Variants in HDAC9 observed in about 807,000 individuals in gnomAD.
HDAC9 encodes the protein MEF-2 interacting transcription repressor (MITR) protein.
HDAC9 carries 41 observed loss-of-function variants against 139.4 expected under a neutral mutation model. That is an observed-to-expected ratio of 0.29 (90% confidence interval 0.23 to 0.38). The LOEUF (loss-of-function observed/expected upper bound fraction) is 0.38, where lower values mean the gene tolerates loss of function less well. Ranked by LOEUF, HDAC9 falls within the 10% of genes least tolerant of loss-of-function variation. The pLI, the probability that HDAC9 is intolerant of heterozygous loss-of-function variation, is 1.00. For synonymous variants in HDAC9, 517 were observed against 476.2 expected, an observed-to-expected ratio of 1.09 and a Z score of -1.12; for missense variants, 1,147 against 1,297.0, an observed-to-expected ratio of 0.88 and a Z score of 1.78.
intron 22 of HDAC9, among the ~76,000 whole-genome samples, chr7:18,897,783 C>T (rs904781421): frequency 6.0e-5 from 9 of 149,922 alleles, no homozygotes; most frequent in Non-Finnish European, 1.2e-4. Context: ...GTTATGTTTT[C>T]TCTATCTAAT....
At chr7:18,694,620 C>A (rs1181206068) in intron 12 of HDAC9, among the ~76,000 whole-genome samples, 1 of 152,006 alleles carries the variant, frequency 6.6e-6, no homozygotes, top group Non-Finnish European at 1.5e-5. Flanking sequence ...AACTTGGCTG[C>A]CTGCTTCAGA....
intron 22 of HDAC9, 74 bp from the exon 23 acceptor site, chr7:18,935,735 T>C (rs1282378923): frequency 1.5e-6 from 2 of 1,361,820 alleles, no homozygotes; most frequent in Admixed American, 3.6e-5. Context: ...TCAAAATACA[T>C]GCTCAATGTT....
At chr7:18,795,792 G>A (rs1055915128) in intron 17 of HDAC9, among the ~76,000 whole-genome samples, 2 of 152,122 alleles carry the variant, frequency 1.3e-5, no homozygotes, top group East Asian at 1.9e-4. Flanking sequence ...TTTGTGGACC[G>A]CTATTCAACA....
chr7:18,359,422 C>T (rs971929375), intron 1 of HDAC9, among the ~76,000 whole-genome samples: 2 of 152,086 alleles, frequency 1.3e-5, no homozygotes, highest in African/African-American at 4.8e-5. Flanking sequence ...TGCTGTTGTC[C>T]CAAACTATCT....
intron 2 of HDAC9, among the ~76,000 whole-genome samples, chr7:18,184,649 A>G (rs1406360): frequency 0.18 from 27,500 of 152,118 alleles, 2,876 homozygotes; most frequent in South Asian, 0.34. Context: ...CAGATTTTCA[A>G]AATAGGTATA....
chr7:18,801,906 C>A (rs1793326970), intron 17 of HDAC9, among the ~76,000 whole-genome samples: 1 of 151,962 alleles, frequency 6.6e-6, no homozygotes, highest in African/African-American at 2.4e-5. Context: ...TTTGCAGGAG[C>A]TTTAGCAATA....
intron 22 of HDAC9, among the ~76,000 whole-genome samples, chr7:18,931,497 T>G (rs1804739593): frequency 6.6e-6 from 1 of 152,180 alleles, no homozygotes; most frequent in African/African-American, 2.4e-5. Flanking sequence ...AGTGACTAAT[T>G]TGACTTCCAT....
At chr7:18,919,692 A>G (rs1266610919) in intron 22 of HDAC9, among the ~76,000 whole-genome samples, 2 of 152,062 alleles carry the variant, frequency 1.3e-5, no homozygotes, top group Non-Finnish European at 2.9e-5. Flanking sequence ...ATACAATTTC[A>G]TGGAAGTCCT....
At chr7:18,422,829 C>T (rs887784867) in intron 1 of HDAC9, among the ~76,000 whole-genome samples, 2 of 152,020 alleles carry the variant, frequency 1.3e-5, no homozygotes, top group African/African-American at 2.4e-5. Flanking sequence ...TTTTTTTCCC[C>T]TCTCAAGACT....
At chr7:18,539,518 C>T (rs913562849) in intron 2 of HDAC9, among the ~76,000 whole-genome samples, 2 of 152,118 alleles carry the variant, frequency 1.3e-5, no homozygotes, top group African/African-American at 4.8e-5. Flanking sequence ...GTTTAGTAAA[C>T]GGTATTGTAC....
At chr7:18,459,883 C>A (rs534810454) in intron 1 of HDAC9, among the ~76,000 whole-genome samples, 1 of 151,648 alleles carries the variant, frequency 6.6e-6, no homozygotes, top group East Asian at 1.9e-4. Context: ...TTCAGATAGT[C>A]AGTTTGCATA....
intron 25 of HDAC9, among the ~76,000 whole-genome samples, chr7:18,977,752 A>G (rs1784634254): frequency 6.6e-6 from 1 of 152,112 alleles, no homozygotes; most frequent in Admixed American, 6.6e-5. Flanking sequence ...GATTATATCT[A>G]TTGTGATTGA....
chr7:18,644,285 G>T (rs1427128557), intron 8 of HDAC9, among the ~76,000 whole-genome samples: 9 of 152,000 alleles, frequency 5.9e-5, no homozygotes, highest in Non-Finnish European at 1.3e-4. Flanking sequence ...ATCAGGTGAA[G>T]ATAATGACTG....
At chr7:18,374,743 A>G (rs1370901070) in intron 1 of HDAC9, among the ~76,000 whole-genome samples, 1 of 152,070 alleles carries the variant, frequency 6.6e-6, no homozygotes, top group Non-Finnish European at 1.5e-5. Context: ...TAAAGTCTAT[A>G]TATTTAGATC....
At chr7:18,719,668 G>A (rs553997563) in intron 12 of HDAC9, among the ~76,000 whole-genome samples, 3 of 152,010 alleles carry the variant, frequency 2.0e-5, no homozygotes, top group South Asian at 4.2e-4. Flanking sequence ...GGGGGAGGGG[G>A]TCTCTTTTGC....
intron 1 of HDAC9, among the ~76,000 whole-genome samples, chr7:18,386,013 G>T (rs1435864079): frequency 2.0e-4 from 30 of 151,506 alleles, no homozygotes; most frequent in Admixed American, 2.0e-3. Context: ...TTAGCATTTA[G>T]TATTTAGATG....
intron 2 of HDAC9, among the ~76,000 whole-genome samples, chr7:18,531,067 A>G (rs912804073): frequency 1.1e-4 from 16 of 152,000 alleles, no homozygotes; most frequent in African/African-American, 3.9e-4. Flanking sequence ...ATTCACTTTC[A>G]GCATTGTCTA....
chr7:18,831,309 A>C (rs972944188), intron 19 of HDAC9, among the ~76,000 whole-genome samples: 9 of 152,222 alleles, frequency 5.9e-5, no homozygotes, highest in South Asian at 2.1e-4. Flanking sequence ...CTTGTGATAA[A>C]TGGATACTTT....
intron 2 of HDAC9, among the ~76,000 whole-genome samples, chr7:18,528,745 C>T (rs1334955217): frequency 6.6e-6 from 1 of 152,038 alleles, no homozygotes; most frequent in Non-Finnish European, 1.5e-5. Flanking sequence ...AGACAGGAAT[C>T]GATGAGCATG....
Sources: gnomAD v4.1 joint callset for allele counts (sites outside exome capture counted in the v4.1 genomes callset) on GRCh38, gnomAD v4.1.1 for gene constraint, MANE v1.5 for transcripts, NCBI Gene and HGNC (gene_info 2026-07-23, HGNC 2026-07-21) for gene names.